Variants in WWTR1 observed in about 807,000 individuals in gnomAD.
The protein encoded by WWTR1 is WW domain-containing transcription regulator protein 1.
In WWTR1, 13 loss-of-function variants were observed where a neutral mutation model predicts 40.1. The observed-to-expected ratio is 0.32, with a 90% confidence interval of 0.21 to 0.52. WWTR1 has a LOEUF of 0.52. Ranked by LOEUF, WWTR1 falls within the 20% of genes least tolerant of loss-of-function variation. The pLI, the probability that WWTR1 is intolerant of heterozygous loss-of-function variation, is 0.97. For synonymous variants in WWTR1, 230 were observed against 210.1 expected (o/e 1.09, Z -0.82); for missense variants, 436 against 523.1 (o/e 0.83, Z 1.63).
chr3:149,718,621 AAAC>A lies in WWTR1; in HGVS notation n.460-1058_460-1056del, dbSNP rs535043542. On this transcript the variant is annotated intron_variant and non_coding_transcript_variant, in intron 4 of 6. Transcript: ENST00000474080. The stretch of plus-strand genomic sequence containing the variant: ...GCAAAATTGAAACTCTATGCCCGTT[AAAC>A]AACAACTCATTGCTCCCTTCCTGCT... 2.2e-4 allele frequency among the ~76,000 whole-genome samples: 33 copies of A among 152,340 alleles called. No homozygotes were observed. In the South Asian group the frequency reaches 5.0e-3, roughly 23 times the overall value.
intron 3 of WWTR1, among the ~76,000 whole-genome samples, chr3:149,544,593 A>G (rs1736283278): frequency 6.6e-6 from 1 of 152,192 alleles, no homozygotes; most frequent in Non-Finnish European, 1.5e-5. Context: ...ACTGTAACCC[A>G]GAAAGGTTAA....
intron 4 of WWTR1, among the ~76,000 whole-genome samples, chr3:149,723,185 C>CTTTTTTTTTTTTT (rs35573546): frequency 2.0e-5 from 2 of 101,832 alleles, no homozygotes; most frequent in Non-Finnish European, 1.9e-5. Flanking sequence ...CTTTTCTTTT[C>CTTTTTTTTTTTTT]TTTTTTTTTT....
chr3:149,568,204 G>C (rs1737425180), intron 3 of WWTR1, among the ~76,000 whole-genome samples: 1 of 151,978 alleles, frequency 6.6e-6, no homozygotes, highest in Non-Finnish European at 1.5e-5. Flanking sequence ...TGGCCAACAT[G>C]GTGAAACCCC....
intron 2 of WWTR1, among the ~76,000 whole-genome samples, chr3:149,634,694 A>G (rs1711721928): frequency 6.6e-6 from 1 of 152,212 alleles, no homozygotes; most frequent in Non-Finnish European, 1.5e-5. Flanking sequence ...GCTGTTGTGC[A>G]AGTCCACCTC....
chr3:149,521,553 G>A (rs534400173), intron 6 of WWTR1, among the ~76,000 whole-genome samples: 42 of 152,288 alleles, frequency 2.8e-4, no homozygotes, highest in African/African-American at 8.2e-4. Flanking sequence ...CAGTGCATAT[G>A]AGCATGTTAA....
chr3:149,573,727 C>T (rs991273058), intron 2 of WWTR1, among the ~76,000 whole-genome samples: 1 of 152,196 alleles, frequency 6.6e-6, no homozygotes, highest in Non-Finnish European at 1.5e-5. Flanking sequence ...TGTTTGATCA[C>T]ATACAACTTC....
intron 2 of WWTR1, among the ~76,000 whole-genome samples, chr3:149,594,411 G>T (rs942841444): frequency 2.0e-5 from 3 of 152,016 alleles, no homozygotes; most frequent in Admixed American, 2.0e-4. Context: ...AGACCATTAG[G>T]AATATTTGAA....
At chr3:149,564,018 C>T (rs746293682) in intron 3 of WWTR1, among the ~76,000 whole-genome samples, 8 of 152,208 alleles carry the variant, frequency 5.3e-5, no homozygotes, top group South Asian at 2.1e-4. Context: ...CCTCCCAAAG[C>T]GCTGGGATTA....
At chr3:149,622,497 G>GAAA (rs1560089715) in intron 2 of WWTR1, among the ~76,000 whole-genome samples, 10,064 of 117,646 alleles carry the variant, frequency 0.086, 456 homozygotes, top group East Asian at 0.13. Flanking sequence ...AAGGAAGGAA[G>GAAA]GAAGGAAGAA....
intron 1 of WWTR1, among the ~76,000 whole-genome samples, chr3:149,689,796 G>A (rs1714761033): frequency 6.6e-6 from 1 of 152,116 alleles, no homozygotes; most frequent in African/African-American, 2.4e-5. Flanking sequence ...GTAATAGTGA[G>A]TACACAGACA....
At position 149,536,471 on chromosome 3, in the gene WWTR1, CA is replaced by C. The variant is rs1310681716; in HGVS notation, c.771+5863del. ...CGCTAAATAGCTATTCTTTGCATGA[CA>C]AAAAAAAAAAGGGGGGGGCCTCAGA... On this transcript the variant is annotated intron_variant, in intron 4 of 6. Coordinates refer to ENST00000360632, the MANE Select transcript of WWTR1 (RefSeq NM_015472.6). Among the ~76,000 whole-genome samples, 160 of 134,104 alleles carry C rather than the reference CA, an allele frequency of 1.2e-3. 1 individual carries two copies. The highest frequency in any genetic ancestry group is 2.6e-3 in the South Asian group (11 of 4,186). The allele number at this position is 134,104 out of a possible 152,430, so 88.0% of individuals were successfully genotyped here.
At chr3:149,628,723 G>C (rs2108102946) in intron 2 of WWTR1, among the ~76,000 whole-genome samples, 1 of 148,704 alleles carries the variant, frequency 6.7e-6, no homozygotes, top group South Asian at 2.1e-4. Flanking sequence ...TCTCACAAAT[G>C]ATTCTTTTTA....
chr3:149,521,935 C>G (rs1735067809), intron 6 of WWTR1, among the ~76,000 whole-genome samples: 1 of 152,134 alleles, frequency 6.6e-6, no homozygotes, highest in Non-Finnish European at 1.5e-5. Flanking sequence ...TAGTGTCTGC[C>G]ACATATCCAT....
At chr3:149,612,481 T>C (rs1739781384) in intron 2 of WWTR1, among the ~76,000 whole-genome samples, 1 of 152,180 alleles carries the variant, frequency 6.6e-6, no homozygotes, top group Admixed American at 6.5e-5. Flanking sequence ...CATTTGTAAT[T>C]AATTTTCCTG....
chr3:149,666,308 C>T (rs1175190709), intron 2 of WWTR1, among the ~76,000 whole-genome samples: 2 of 152,164 alleles, frequency 1.3e-5, no homozygotes, highest in Admixed American at 6.5e-5. Context: ...GAAGAGAGCC[C>T]TCCAAACCAA....
intron 2 of WWTR1, among the ~76,000 whole-genome samples, chr3:149,606,480 G>T (rs1385078686): frequency 6.6e-6 from 1 of 152,104 alleles, no homozygotes; most frequent in Admixed American, 6.6e-5. Flanking sequence ...TATAGGTCAT[G>T]AAACACTGAG....
intron 2 of WWTR1, among the ~76,000 whole-genome samples, chr3:149,613,153 A>G (rs1433752377): frequency 6.6e-6 from 1 of 152,146 alleles, no homozygotes; most frequent in Non-Finnish European, 1.5e-5. Flanking sequence ...AGCATCCACC[A>G]TCTCCTAGCC....
chr3:149,553,024 T>C (rs539083236), intron 3 of WWTR1, among the ~76,000 whole-genome samples: 10 of 152,358 alleles, frequency 6.6e-5, no homozygotes, highest in Admixed American at 4.6e-4. Context: ...TTTTGGAAAC[T>C]GAACACTAAG....
intron 2 of WWTR1, among the ~76,000 whole-genome samples, chr3:149,608,106 A>C (rs1190393408): frequency 6.6e-6 from 1 of 152,172 alleles, no homozygotes. Flanking sequence ...TCAATATCTG[A>C]TATTGTTGAA....
Sources: allele counts gnomAD v4.1 joint callset (sites outside exome capture counted in the v4.1 genomes callset), GRCh38; gene constraint gnomAD v4.1.1; transcripts MANE v1.5; gene names NCBI Gene and HGNC (gene_info 2026-07-23, HGNC 2026-07-21).